The following KCNH7 variants were observed in gnomAD, a reference collection of about 807,000 sequenced individuals.
KCNH7 encodes voltage-gated inwardly rectifying potassium channel KCNH7.
A neutral mutation model predicts 120.8 loss-of-function variants in KCNH7; 49 were observed. That is an observed-to-expected ratio of 0.41 (90% confidence interval 0.32 to 0.51). The LOEUF is 0.51. Ranked by LOEUF, KCNH7 falls within the 20% of genes least tolerant of loss-of-function variation. The pLI is 0.38. For synonymous variants in KCNH7, 547 were observed against 516.1 expected (o/e 1.06, Z -0.81); for missense variants, 1,097 against 1,446.6 (o/e 0.76, Z 3.92).
chr2:162,630,192 T>C (rs1464182231), intron 2 of KCNH7, among the ~76,000 whole-genome samples: 1 of 152,016 alleles, frequency 6.6e-6, no homozygotes, highest in Non-Finnish European at 1.5e-5. Context: ...TAAAACTGAG[T>C]TAAGTTTTGC....
At chr2:162,477,783 T>A (rs77913608) in intron 6 of KCNH7, among the ~76,000 whole-genome samples, 3 of 152,088 alleles carry the variant, frequency 2.0e-5, no homozygotes, top group Admixed American at 1.3e-4. Context: ...AATGCGTGCC[T>A]ACATTTTTCT....
chr2:162,487,342 G>T (rs1379296306), intron 6 of KCNH7, among the ~76,000 whole-genome samples: 1 of 152,126 alleles, frequency 6.6e-6, no homozygotes. Flanking sequence ...AGAATGAAAA[G>T]GTTGTGCTAT....
At chr2:162,483,058 C>T (rs1480373196) in intron 6 of KCNH7, among the ~76,000 whole-genome samples, 1 of 152,090 alleles carries the variant, frequency 6.6e-6, no homozygotes, top group Non-Finnish European at 1.5e-5. Flanking sequence ...GAATTAACTC[C>T]TCATAAGCTA....
intron 6 of KCNH7, among the ~76,000 whole-genome samples, chr2:162,477,455 A>G (rs971774952): frequency 6.6e-6 from 1 of 152,146 alleles, no homozygotes; most frequent in African/African-American, 2.4e-5. Context: ...AAAAAAGTCA[A>G]CAGGGTCTTT....
At chr2:162,408,606 T>C (rs1687298567) in intron 9 of KCNH7, among the ~76,000 whole-genome samples, 1 of 151,900 alleles carries the variant, frequency 6.6e-6, no homozygotes, top group Non-Finnish European at 1.5e-5. Context: ...CATAAAAGAA[T>C]AAAATTTTGT....
chr2:162,829,849 G>GTTT lies in KCNH7; in HGVS notation c.307+6685_307+6687dup, dbSNP rs5835923. Among the ~76,000 whole-genome samples, 798 of 136,120 alleles carry GTTT rather than the reference G, an allele frequency of 5.9e-3. 12 individuals are homozygous for GTTT. The highest frequency in any genetic ancestry group is 0.02 in the African/African-American group (732 of 36,500). The allele number at this position is 136,120 out of a possible 152,430, so 89.3% of individuals were successfully genotyped here. On this transcript the variant is annotated intron_variant, in intron 2 of 15. Coordinates refer to ENST00000332142, the MANE Select transcript of KCNH7 (RefSeq NM_033272.4). ...CCCCCAGATCTTGTTAACTTTATCT[G>GTTT]TTTTTTTTTTTTTTCTAACTGCATG... is the stretch of plus-strand genomic sequence containing the variant.
chr2:162,570,387 A>G (rs2105897331), intron 2 of KCNH7, among the ~76,000 whole-genome samples: 1 of 151,834 alleles, frequency 6.6e-6, no homozygotes, highest in Admixed American at 6.6e-5. Context: ...TGCTTGGTAG[A>G]TCTTCCTCCA....
At chr2:162,685,158 G>A (rs1343068804) in intron 2 of KCNH7, among the ~76,000 whole-genome samples, 1 of 151,684 alleles carries the variant, frequency 6.6e-6, no homozygotes, top group African/African-American at 2.4e-5. Flanking sequence ...AGAACACATG[G>A]ACACAGGGAA....
chr2:162,491,885 A>C (rs914552789), intron 6 of KCNH7, among the ~76,000 whole-genome samples: 1 of 152,114 alleles, frequency 6.6e-6, no homozygotes, highest in Non-Finnish European at 1.5e-5. Context: ...TTGGGGAAAA[A>C]AAGCCTTCTT....
intron 2 of KCNH7, among the ~76,000 whole-genome samples, chr2:162,669,862 G>A (rs558196227): frequency 6.6e-6 from 1 of 152,284 alleles, no homozygotes; most frequent in African/African-American, 2.4e-5. Flanking sequence ...CACTTTGGGA[G>A]GCCGAGGCGG....
chr2:162,742,277 A>AT (rs1688164348), intron 2 of KCNH7, among the ~76,000 whole-genome samples: 1 of 152,124 alleles, frequency 6.6e-6, no homozygotes, highest in Non-Finnish European at 1.5e-5. Context: ...CTTTTAATTT[A>AT]TTTTTTTCTC....
intron 2 of KCNH7, among the ~76,000 whole-genome samples, chr2:162,813,867 A>G (rs1684820646): frequency 6.6e-6 from 1 of 152,228 alleles, no homozygotes; most frequent in Non-Finnish European, 1.5e-5. Context: ...AACATGATAC[A>G]ATAGTTCATA....
chr2:162,376,966 G>T (rs1028607803), intron 14 of KCNH7, among the ~76,000 whole-genome samples: 2 of 152,180 alleles, frequency 1.3e-5, no homozygotes, highest in African/African-American at 4.8e-5. Flanking sequence ...GACCATTCAA[G>T]ATAGACCATT....
chr2:162,558,916 G>C (rs538523680), intron 2 of KCNH7, among the ~76,000 whole-genome samples: 1 of 151,372 alleles, frequency 6.6e-6, no homozygotes, highest in Non-Finnish European at 1.5e-5. Flanking sequence ...TTAGCCGGGC[G>C]TTGTGGCAGG....
intron 2 of KCNH7, among the ~76,000 whole-genome samples, chr2:162,818,174 G>A (rs901630436): frequency 6.6e-6 from 1 of 151,280 alleles, no homozygotes; most frequent in Non-Finnish European, 1.5e-5. Context: ...TTCTTTCTTT[G>A]TAATATTTAC....
intron 7 of KCNH7, among the ~76,000 whole-genome samples, chr2:162,439,098 A>G (rs1688343829): frequency 6.6e-6 from 1 of 152,114 alleles, no homozygotes; most frequent in Non-Finnish European, 1.5e-5. Context: ...ATTATCTCCC[A>G]GCACATCTAA....
Position 162,518,146 on chromosome 2 carries a change from C to A in KCNH7, c.476G>T (p.Gly159Val). Residue 159 changes from glycine (G) to valine (V), a missense_variant, in exon 4 of 16, where the codon GGG becomes GTG. Physicochemically the swap from Gly to Val is moderately radical, Grantham distance 109. This residue lies in a region of KCNH7 where 362 missense variants were observed against 372.2 expected (regional missense o/e 0.97). Transcript: ENST00000332142. ...PIKTVNRKFF[G>V]FKFPGLRVLT... The stretch of plus-strand genomic sequence containing the variant: ...AACTCTCAGACCAGGGAATTTGAAC[C>A]CAAAAAATTTCCCTATAAATGGAGA... 6.2e-7 allele frequency: 1 copy of A among 1,606,078 alleles called. No homozygotes were observed. Among genetic ancestry groups the A allele is most frequent in the African/African-American group, 1.3e-5 (1 of 74,428 alleles).
intron 2 of KCNH7, among the ~76,000 whole-genome samples, chr2:162,725,514 G>T (rs535943376): frequency 2.0e-5 from 3 of 152,110 alleles, no homozygotes; most frequent in South Asian, 2.1e-4. Context: ...TTTACCAAAG[G>T]TACTCTATAT....
intron 2 of KCNH7, among the ~76,000 whole-genome samples, chr2:162,769,157 G>C: frequency 6.6e-6 from 1 of 152,100 alleles, no homozygotes; most frequent in East Asian, 1.9e-4. Flanking sequence ...AAAGACCAAG[G>C]TATTCTGTGA....
Sources: gnomAD v4.1 joint callset for allele counts (sites outside exome capture counted in the v4.1 genomes callset) on GRCh38, gnomAD v4.1.1 for gene constraint, gnomAD v4.1.1 regional missense constraint, MANE v1.5 for transcripts, NCBI Gene and HGNC (gene_info 2026-07-23, HGNC 2026-07-21) for gene names.